FMNL2: variants seen among roughly 807,000 people sequenced by gnomAD.
FMNL2 encodes the protein formin-like protein 2.
In FMNL2, 51 loss-of-function variants were observed where a neutral mutation model predicts 130.2. The ratio of observed to expected loss-of-function variants is 0.39; its 90% CI spans 0.31 to 0.49. The LOEUF (loss-of-function observed/expected upper bound fraction) is 0.49. Ranked by LOEUF, FMNL2 falls within the 20% of genes least tolerant of loss-of-function variation. The pLI, the probability that FMNL2 is intolerant of heterozygous loss-of-function variation, is 0.85. For missense variants in FMNL2, 977 were observed against 1,316.2 expected (o/e 0.74, Z 3.99); for synonymous variants, 465 against 467.1 (o/e 1.00, Z 0.06).
chr2:152,636,114 A>G (rs757386133), intron 21 of FMNL2, among the ~76,000 whole-genome samples: 1 of 152,226 alleles, frequency 6.6e-6, no homozygotes, highest in African/African-American at 2.4e-5. Flanking sequence ...TTTAGAGTCC[A>G]CATTTGTTAC....
chr2:152,601,667 C>CTTTTTTTTT (rs36031692), intron 9 of FMNL2, among the ~76,000 whole-genome samples: 2 of 132,236 alleles, frequency 1.5e-5, no homozygotes, highest in African/African-American at 3.1e-5. Context: ...CTTTTCTTTT[C>CTTTTTTTTT]TTTCTTTTTT....
At chr2:152,495,302 T>G (rs1157687283) in intron 1 of FMNL2, among the ~76,000 whole-genome samples, 2 of 152,120 alleles carry the variant, frequency 1.3e-5, no homozygotes, top group Non-Finnish European at 2.9e-5. Flanking sequence ...AGTTTTGTTG[T>G]GTTCCTATTC....
intron 1 of FMNL2, among the ~76,000 whole-genome samples, chr2:152,504,064 G>A (rs1459192295): frequency 3.3e-5 from 5 of 152,158 alleles, no homozygotes; most frequent in South Asian, 2.1e-4. Flanking sequence ...GGTGGCACGC[G>A]CCTGTAGTCC....
At chr2:152,450,086 A>T (rs1234200998) in intron 1 of FMNL2, among the ~76,000 whole-genome samples, 4 of 152,210 alleles carry the variant, frequency 2.6e-5, no homozygotes, top group Non-Finnish European at 5.9e-5. Context: ...GCCCGCAAGG[A>T]GTTTCAATCA....
At chr2:152,578,618 G>A (rs1696605777) in intron 7 of FMNL2, 1 of 239,336 alleles carries the variant, frequency 4.2e-6, no homozygotes, top group Non-Finnish European at 7.8e-6. Flanking sequence ...AGAGATGTGG[G>A]TCTTGTTGTC....
chr2:152,584,069 C>T (rs997623408), intron 9 of FMNL2, among the ~76,000 whole-genome samples: 2 of 151,946 alleles, frequency 1.3e-5, no homozygotes, highest in Non-Finnish European at 2.9e-5. Context: ...TGCAATGCCG[C>T]TCACAGCTCA....
chr2:152,390,967 G>A (rs1015743468), intron 1 of FMNL2, among the ~76,000 whole-genome samples: 27 of 152,216 alleles, frequency 1.8e-4, no homozygotes, highest in African/African-American at 6.5e-4. Flanking sequence ...GAGGCAGATA[G>A]GATATTGGCA....
At chr2:152,591,371 G>T (rs924483183) in intron 9 of FMNL2, among the ~76,000 whole-genome samples, 3 of 152,166 alleles carry the variant, frequency 2.0e-5, no homozygotes, top group Non-Finnish European at 4.4e-5. Flanking sequence ...GTTATCTTTT[G>T]TGTAACATCT....
In FMNL2 at chr2:152,396,153, A is replaced by G. The variant is rs568353674; in HGVS notation, c.117+60433A>G. On this transcript the variant is annotated intron_variant, in intron 1 of 25. Transcript: ENST00000288670. ...CATCCCTCCCCCTCTCCTTTATTTT[A>G]GTGTCTTAGAACTCAGCTAAGCATT... Among the ~76,000 whole-genome samples the G allele has an allele frequency of 4.4e-4, 67 of 152,232 alleles. 1 individual carries two copies. The highest frequency in any genetic ancestry group is 6.8e-3 in the Middle Eastern group (2 of 294).
intron 1 of FMNL2, among the ~76,000 whole-genome samples, chr2:152,482,244 C>T (rs1172339806): frequency 6.6e-6 from 1 of 152,208 alleles, no homozygotes; most frequent in African/African-American, 2.4e-5. Flanking sequence ...TCTACTGGAA[C>T]TGTGTATTTT....
At chr2:152,625,247 CA>C in intron 15 of FMNL2, 190 bp from the exon 16 acceptor site, 1 of 533,196 alleles carries the variant, frequency 1.9e-6, no homozygotes. Context: ...GTTAGTCAAC[CA>C]AATGATGACC....
At chr2:152,632,626 A>G (rs910555462) in intron 21 of FMNL2, among the ~76,000 whole-genome samples, 2 of 152,182 alleles carry the variant, frequency 1.3e-5, no homozygotes, top group African/African-American at 4.8e-5. Flanking sequence ...TGACTCTAAG[A>G]TAGCTGGGAT....
At chr2:152,636,055 A>G (rs968787664) in intron 21 of FMNL2, among the ~76,000 whole-genome samples, 1 of 152,164 alleles carries the variant, frequency 6.6e-6, no homozygotes, top group Non-Finnish European at 1.5e-5. Flanking sequence ...GGGCCCACCC[A>G]TAGGCTATTC....
At chr2:152,341,100 G>A (rs912407702) in intron 1 of FMNL2, among the ~76,000 whole-genome samples, 5 of 152,222 alleles carry the variant, frequency 3.3e-5, no homozygotes, top group African/African-American at 1.2e-4. Context: ...AGATGGGCGG[G>A]TGGGAGTGTA....
chr2:152,647,091 C>T (rs1482629520), intron 25 of FMNL2, among the ~76,000 whole-genome samples: 5 of 151,650 alleles, frequency 3.3e-5, no homozygotes, highest in Admixed American at 6.6e-5. Context: ...TGGTAGAGCT[C>T]GGTAGTCCCC....
chr2:152,608,071 T>C (rs1179737238), intron 10 of FMNL2, among the ~76,000 whole-genome samples: 1 of 152,144 alleles, frequency 6.6e-6, no homozygotes, highest in Non-Finnish European at 1.5e-5. Flanking sequence ...AATCTTAATC[T>C]GGAAGGAAGA....
intron 1 of FMNL2, among the ~76,000 whole-genome samples, chr2:152,354,221 T>C (rs751672769): frequency 9.2e-5 from 14 of 152,168 alleles, no homozygotes; most frequent in Non-Finnish European, 1.8e-4. Flanking sequence ...AGAAAATACA[T>C]TGAAGTTGTG....
At chr2:152,631,695 T>G (rs1682181875) in intron 20 of FMNL2, among the ~76,000 whole-genome samples, 1 of 152,216 alleles carries the variant, frequency 6.6e-6, no homozygotes, top group Admixed American at 6.5e-5. Flanking sequence ...GTGGGTTTCC[T>G]GAAACCATGG....
At chr2:152,462,581 T>G (rs768865111) in intron 1 of FMNL2, among the ~76,000 whole-genome samples, 1 of 152,238 alleles carries the variant, frequency 6.6e-6, no homozygotes, top group Non-Finnish European at 1.5e-5. Context: ...GCTATTCATA[T>G]TATATGTAAG....
Sources: gnomAD v4.1 joint callset for allele counts (sites outside exome capture counted in the v4.1 genomes callset) on GRCh38, gnomAD v4.1.1 for gene constraint, MANE v1.5 for transcripts, NCBI Gene and HGNC (gene_info 2026-07-23, HGNC 2026-07-21) for gene names.